SUGT1: variants seen among roughly 807,000 people sequenced by gnomAD.
SUGT1 encodes the protein SGT1 assembly cochaperone of MIS12 kinetochore complex.
SUGT1 carries 15 observed loss-of-function variants against 56.1 expected under a neutral mutation model. The observed-to-expected ratio is 0.27, with a 90% confidence interval of 0.18 to 0.41. SUGT1 has a LOEUF of 0.41. Among genes scored for constraint, SUGT1 ranks in the 10% least tolerant of loss-of-function variants. SUGT1 has a pLI of 1.00. For synonymous variants in SUGT1, 123 were observed against 128.6 expected (o/e 0.96, Z 0.30); for missense variants, 347 against 382.2 (o/e 0.91, Z 0.77).
rs996849340 is a variant in SUGT1, at chr13:52,694,718, C to T, written c.*6883C>T. ...TTTGTTTTTGTTTTTGAGACGGAGT[C>T]TTGCTCTGTCGCCCAGGCTGGAGTG... is the stretch of plus-strand genomic sequence containing the variant. On this transcript the variant is annotated 3_prime_UTR_variant, in exon 13 of 13. Coordinates refer to ENST00000310528, the MANE Select transcript of SUGT1 (RefSeq NM_006704.5). 6.6e-6 allele frequency: 1 copy of T among 152,324 alleles called. No individual in the cohort carries two copies. Among genetic ancestry groups the T allele is most frequent in the African/African-American group, 2.4e-5 (1 of 41,472 alleles). 9.4% of individuals were successfully genotyped at this position (152,324 alleles called of 1,614,324 possible).
At chr13:52,660,981 AT>A (rs1191910941) in intron 5 of SUGT1, among the ~76,000 whole-genome samples, 2 of 151,810 alleles carry the variant, frequency 1.3e-5, no homozygotes, top group Non-Finnish European at 2.9e-5. Flanking sequence ...TAATTTTTGC[AT>A]TTTATTTTTT....
In SUGT1 at chr13:52,695,018, T is replaced by TAAAAA; in HGVS notation, c.*7183_*7184insAAAAA. On this transcript the variant is annotated 3_prime_UTR_variant, in exon 13 of 13. Transcript: ENST00000310528. ...GTAGATGTTTTTATGAGTTAATTCA[T>TAAAAA]CAATCTTATTATTCTTGCCCCAAAT... 6.6e-6 allele frequency: 1 copy of TAAAAA among 152,364 alleles called. No homozygotes were observed. Among genetic ancestry groups the TAAAAA allele is most frequent in the Admixed American group, 6.5e-5 (1 of 15,308 alleles). 9.4% of individuals were successfully genotyped at this position (152,364 alleles called of 1,614,324 possible). A position where few individuals can be genotyped will look rare whatever the true frequency, so the allele number is the denominator to read the frequency against.
intron 5 of SUGT1, among the ~76,000 whole-genome samples, chr13:52,662,428 A>T (rs926667706): frequency 1.3e-5 from 2 of 152,348 alleles, no homozygotes; most frequent in Non-Finnish European, 2.9e-5. Context: ...TAAAATTTTT[A>T]AAAAATCAAA....
At chr13:52,656,852 T>C (rs966741028) in intron 2 of SUGT1, among the ~76,000 whole-genome samples, 5 of 152,248 alleles carry the variant, frequency 3.3e-5, no homozygotes, top group Admixed American at 6.5e-5. Context: ...TTGATCTCCC[T>C]AATTGTGTAA....
intron 5 of SUGT1, among the ~76,000 whole-genome samples, chr13:52,659,769 T>C (rs1385322044): frequency 4.3e-5 from 6 of 140,210 alleles, no homozygotes; most frequent in Admixed American, 7.5e-5. Context: ...TCTAGACATA[T>C]AGAAATTGTG....
Position 52,678,594 on chromosome 13 carries a change from G to A in SUGT1, c.719-1380G>A, listed in dbSNP as rs146215266. ...ACTTGAAATATGACTAGTCTGCATTGAGATGATGTGCTATGTGAAATATAT... is the reference window on the plus strand; with the variant it reads ...ACTTGAAATATGACTAGTCTGCATTAAGATGATGTGCTATGTGAAATATAT... On this transcript the variant is annotated intron_variant, in intron 11 of 12. Coordinates refer to ENST00000310528, the MANE Select transcript of SUGT1 (RefSeq NM_006704.5). Among the ~76,000 whole-genome samples the A allele has an allele frequency of 3.3e-3, 506 of 152,140 alleles. 3 individuals carry two copies. Among genetic ancestry groups the A allele is most frequent in the African/African-American group, 0.011 (457 of 41,526 alleles).
At chr13:52,668,355 G>A (rs1394050580) in intron 10 of SUGT1, among the ~76,000 whole-genome samples, 1 of 152,182 alleles carries the variant, frequency 6.6e-6, no homozygotes, top group African/African-American at 2.4e-5. Flanking sequence ...CTAAGGACAT[G>A]TGAAGTTTCC....
At position 52,676,335 on chromosome 13, in the gene SUGT1, C is replaced by T; in HGVS notation, c.718+15C>T. 1 of 1,595,266 alleles carries T rather than the reference C, an allele frequency of 6.3e-7. No homozygotes were observed. The highest frequency in any genetic ancestry group is 1.1e-5 in the South Asian group (1 of 88,398). ...ATTCGTAGCAGGTTTGTTTTCTGGC[C>T]TTGATGAGCTTTATATTCATATTGT... On this transcript the variant is annotated intron_variant, in intron 11 of 12. Transcript: ENST00000310528.
rs1352459372 is a variant in SUGT1 at position 52,690,894 on chromosome 13, C to CA, written c.*3060dup. On this transcript the variant is annotated 3_prime_UTR_variant, in exon 13 of 13. Transcript: ENST00000310528. ...CCTTTTTTAAAAATTTGTTTAGAGA[C>CA]ACGGTCTTCTTCTATCACCTAGGCT... 6.6e-6 allele frequency: 1 copy of CA among 151,704 alleles called. No homozygotes were observed. Among genetic ancestry groups the CA allele is most frequent in the East Asian group, 1.9e-4 (1 of 5,192 alleles). The allele number at this position is 151,704 out of a possible 1,614,324, so 9.4% of individuals were successfully genotyped here.
chr13:52,669,434 C>T (rs1443005244), intron 10 of SUGT1, among the ~76,000 whole-genome samples: 1 of 152,172 alleles, frequency 6.6e-6, no homozygotes, highest in African/African-American at 2.4e-5. Flanking sequence ...GTTTTAGTCC[C>T]ATGACATTGG....
At chr13:52,657,440 C>A in intron 2 of SUGT1, 92 bp from the exon 3 acceptor site, 2 of 1,078,930 alleles carry the variant, frequency 1.9e-6, no homozygotes, top group Non-Finnish European at 2.8e-6. Flanking sequence ...TAGCTTCTGA[C>A]AATAAGTTAC....
intron 10 of SUGT1, among the ~76,000 whole-genome samples, chr13:52,668,952 A>G (rs1479501617): frequency 1.3e-5 from 2 of 152,182 alleles, no homozygotes; most frequent in East Asian, 3.9e-4. Flanking sequence ...GTGGAAGAAT[A>G]TCATGTGTGG....
intron 10 of SUGT1, among the ~76,000 whole-genome samples, chr13:52,669,906 C>G (rs1176209221): frequency 6.6e-6 from 1 of 152,108 alleles, no homozygotes; most frequent in Non-Finnish European, 1.5e-5. Context: ...GTTACTGAGG[C>G]TTACTTCGTG....
chr13:52,674,793 A>C (rs994258597), intron 10 of SUGT1, among the ~76,000 whole-genome samples: 16 of 152,198 alleles, frequency 1.1e-4, no homozygotes, highest in African/African-American at 3.6e-4. Flanking sequence ...TGCTTACTTT[A>C]ATATTTGCAC....
chr13:52,698,181 T>C lies in SUGT1; in HGVS notation c.*10346T>C, dbSNP rs1232179970. On this transcript the variant is annotated 3_prime_UTR_variant, in exon 13 of 13. Transcript: ENST00000310528. The stretch of plus-strand genomic sequence containing the variant: ...GTTTTTATGGGCCATCTGACAAGAC[T>C]AGAGGTAGCTTTGGAACCTCTTATT... 1 of 152,202 alleles carries C rather than the reference T, an allele frequency of 6.6e-6. No individual in the cohort carries two copies. Among genetic ancestry groups the C allele is most frequent in the Non-Finnish European group, 1.5e-5 (1 of 68,036 alleles). The allele number at this position is 152,202 out of a possible 1,614,324, so 9.4% of individuals were successfully genotyped here. A position where few individuals can be genotyped will look rare whatever the true frequency, so the allele number is the denominator to read the frequency against.
At chr13:52,656,967 A>G (rs1962196027) in intron 2 of SUGT1, among the ~76,000 whole-genome samples, 1 of 152,208 alleles carries the variant, frequency 6.6e-6, no homozygotes, top group African/African-American at 2.4e-5. Context: ...TGACATAGCC[A>G]TCTATTAGAT....
At chr13:52,671,977 C>G (rs1036570924) in intron 10 of SUGT1, among the ~76,000 whole-genome samples, 8 of 152,062 alleles carry the variant, frequency 5.3e-5, no homozygotes, top group African/African-American at 1.7e-4. Flanking sequence ...GGATAACAAT[C>G]TTTTTTAATA....
chr13:52,652,966 T>G lies in SUGT1; in HGVS notation c.38+8T>G. 1 of 1,614,134 alleles carries G rather than the reference T, an allele frequency of 6.2e-7. No individual in the cohort carries two copies. Among genetic ancestry groups the G allele is most frequent in the South Asian group, 1.1e-5 (1 of 91,078 alleles). ...AACTGCAACATCCCAGAGGTGCATG[T>G]TTTTCTTTCCCTTTGGTATTTATTT... On this transcript the variant is annotated splice_region_variant and intron_variant, in intron 1 of 12. Coordinates refer to ENST00000310528, the MANE Select transcript of SUGT1 (RefSeq NM_006704.5).
rs886112130 is a variant in SUGT1, at chr13:52,653,090, A to T, written c.83A>T (p.Gln28Leu). Reference sequence around the variant, plus strand: ...GATGCCCTAATCGACGAGGACCCCCAGGCGGCGTTAGAGGTGAGAGAGCCC... The same window carrying T: ...GATGCCCTAATCGACGAGGACCCCCTGGCGGCGTTAGAGGTGAGAGAGCCC... ...FSDALIDEDP[Q>L]AALEELTKAL... Residue 28 changes from glutamine to leucine, a missense_variant, in exon 2 of 13, where the codon CAG (glutamine) becomes CTG (leucine). Coordinates refer to ENST00000310528, the MANE Select transcript of SUGT1 (RefSeq NM_006704.5). 6.2e-7 allele frequency: 1 copy of T among 1,614,024 alleles called. No individual in the cohort carries two copies.
Sources: gnomAD v4.1 joint callset for allele counts (sites outside exome capture counted in the v4.1 genomes callset) on GRCh38, gnomAD v4.1.1 for gene constraint, MANE v1.5 for transcripts, NCBI Gene and HGNC (gene_info 2026-07-23, HGNC 2026-07-21) for gene names.